Variants in HEATR4 observed in about 807,000 individuals in gnomAD.
The protein encoded by HEATR4 is HEAT repeat containing 4.
In HEATR4, 95 loss-of-function variants were observed where a neutral mutation model predicts 108.8. That is an observed-to-expected ratio of 0.87 (90% confidence interval 0.74 to 1.04). HEATR4 has a LOEUF of 1.04. HEATR4 is among the 50% of genes least tolerant of loss of function. The probability of loss-of-function intolerance (pLI) is 0.00; values close to 1 mark genes in which losing one functional copy is unlikely to be tolerated. For missense variants in HEATR4, 1,152 were observed against 1,253.8 expected, an observed-to-expected ratio of 0.92 and a Z score of 1.23; for synonymous variants, 443 against 459.4, an observed-to-expected ratio of 0.96 and a Z score of 0.46.
At chr14:73,590,021 G>C in the HEATR4 span, among the ~76,000 whole-genome samples, 1 of 152,214 alleles carries the variant, frequency 6.6e-6, no homozygotes, top group South Asian at 2.1e-4. Context: ...CACAACAGCA[G>C]TGCGGGCCCA....
At chr14:73,503,736 CT>C (rs1317181173) in intron 10 of HEATR4, among the ~76,000 whole-genome samples, 2 of 152,208 alleles carry the variant, frequency 1.3e-5, no homozygotes. Flanking sequence ...TGCTTCTGTT[CT>C]AGCTATTTGT....
chr14:73,559,060 T>C (rs1889458554), upstream of HEATR4: 1 of 152,064 alleles, frequency 6.6e-6, no homozygotes, highest in African/African-American at 2.4e-5. Flanking sequence ...TTAAATTTCC[T>C]TCTTTGTAAA....
chr14:73,619,378 G>T, the HEATR4 span: 2 of 1,614,098 alleles, frequency 1.2e-6, no homozygotes, highest in African/African-American at 2.7e-5. Flanking sequence ...ACATTACAAG[G>T]ATATGATTAT....
chr14:73,633,609 A>T, the HEATR4 span: 2 of 152,174 alleles, frequency 1.3e-5, no homozygotes, highest in African/African-American at 2.4e-5. Flanking sequence ...GGGAATATTG[A>T]CCCCTGGTGG....
At chr14:73,615,423 ACC>A in the HEATR4 span, among the ~76,000 whole-genome samples, 2 of 141,848 alleles carry the variant, frequency 1.4e-5, no homozygotes, top group African/African-American at 5.4e-5. Flanking sequence ...AACAAAAAAA[ACC>A]AGCAACAACG....
chr14:73,484,600 G>A (rs781110363), intron 17 of HEATR4, among the ~76,000 whole-genome samples: 7 of 150,982 alleles, frequency 4.6e-5, no homozygotes, highest in Non-Finnish European at 8.9e-5. Flanking sequence ...GGCTGGTCTC[G>A]AACTCCTGGC....
At chr14:73,489,349 C>A (rs568425183) in intron 17 of HEATR4, among the ~76,000 whole-genome samples, 1 of 152,188 alleles carries the variant, frequency 6.6e-6, no homozygotes, top group South Asian at 2.1e-4. Flanking sequence ...TGGGTAAGGA[C>A]AAAATCTAAA....
At chr14:73,561,886 G>A (rs1889535290), upstream of HEATR4, among the ~76,000 whole-genome samples, 1 of 152,116 alleles carries the variant, frequency 6.6e-6, no homozygotes, top group African/African-American at 2.4e-5. Flanking sequence ...TGGGGAGACT[G>A]AGATGGGAGG....
the HEATR4 span, among the ~76,000 whole-genome samples, chr14:73,583,417 A>G: frequency 2.1e-4 from 32 of 151,710 alleles, 1 homozygote; most frequent in Non-Finnish European, 3.8e-4. Context: ...CAACCAATCA[A>G]TAAGCCCAAT....
chr14:73,584,848 A>G, the HEATR4 span, among the ~76,000 whole-genome samples: 3 of 149,654 alleles, frequency 2.0e-5, no homozygotes, highest in African/African-American at 7.3e-5. Flanking sequence ...CCCATGTCCC[A>G]ACCAATGTCA....
chr14:73,538,056 G>T lies in HEATR4; in HGVS notation c.-151-7812C>A, dbSNP rs574171232. 6.8e-4 allele frequency among the ~76,000 whole-genome samples: 77 copies of T among 112,534 alleles called. 29 individuals carry two copies. In the East Asian group the frequency reaches 0.048, roughly 71 times the overall value. 73.8% of individuals were successfully genotyped at this position (112,534 alleles called of 152,430 possible). ...TGCCCAGGTAGGTCTTGAACTCCTG[G>T]ACCCAAGCTATCCTCCCGCCTCTGC... On this transcript the variant is annotated intron_variant, in intron 1 of 17. Transcript: ENST00000553558.
At chr14:73,514,554 T>C (rs1412888636) in intron 5 of HEATR4, among the ~76,000 whole-genome samples, 1 of 152,240 alleles carries the variant, frequency 6.6e-6, no homozygotes, top group Non-Finnish European at 1.5e-5. Context: ...TAAATATGTT[T>C]ATATGTAACG....
the HEATR4 span, among the ~76,000 whole-genome samples, chr14:73,632,843 C>CAAA: frequency 5.9e-3 from 642 of 109,000 alleles, 15 homozygotes; most frequent in African/African-American, 0.022. Flanking sequence ...GACCCTGTCT[C>CAAA]AAAAAAAAAA....
rs1208177854 is a variant in HEATR4, at chr14:73,530,921, G to C, written c.-151-677C>G. On this transcript the variant is annotated intron_variant, in intron 1 of 17. Transcript: ENST00000553558. ...CCCAAAATGCTAGGAATACAGGCAT[G>C]AGCCACTGCACCAGGCCTAATGTCC... The C allele has an allele frequency of 3.0e-5, 3 of 99,486 alleles. 1 individual carries two copies. Among genetic ancestry groups the C allele is most frequent in the African/African-American group, 9.8e-5 (3 of 30,502 alleles). 6.2% of individuals were successfully genotyped at this position (99,486 alleles called of 1,614,324 possible).
chr14:73,622,356 T>C, the HEATR4 span, among the ~76,000 whole-genome samples: 1 of 152,112 alleles, frequency 6.6e-6, no homozygotes, highest in Non-Finnish European at 1.5e-5. Flanking sequence ...TGACTGAAGA[T>C]ATTTGCTTGC....
the HEATR4 span, among the ~76,000 whole-genome samples, chr14:73,614,427 A>G: frequency 6.6e-6 from 1 of 152,066 alleles, no homozygotes; most frequent in South Asian, 2.1e-4. Context: ...TCGCAAGGAT[A>G]TAGTAGGAGC....
chr14:73,582,030 CAAGCCCTTCCCTGG>C, the HEATR4 span: 1 of 109,176 alleles, frequency 9.2e-6, no homozygotes, highest in Non-Finnish European at 1.8e-5. Context: ...GACCCTGGCC[CAAGCCCTTCCCTGG>C]GAGCCCTTCC....
intron 6 of HEATR4, among the ~76,000 whole-genome samples, chr14:73,513,446 G>A (rs563386719): frequency 5.5e-5 from 8 of 145,260 alleles, no homozygotes; most frequent in South Asian, 2.1e-4. Context: ...GGGCAACAGA[G>A]TGAAATTCCA....
At position 73,478,554 on chromosome 14, in the gene HEATR4, A is replaced by T. The variant is rs376354630; in HGVS notation, c.*52T>A. ...GTACAGTATCAATTAAAAAGACCCA[A>T]TGTGACCAGGTCCACTGCTTCCTGC... On this transcript the variant is annotated 3_prime_UTR_variant, in exon 18 of 18. Transcript: ENST00000553558. The T allele has an allele frequency of 8.3e-7, 1 of 1,209,054 alleles. No homozygotes were observed. The highest frequency in any genetic ancestry group is 1.9e-5 in the Admixed American group (1 of 52,712). 74.9% of individuals were successfully genotyped at this position (1,209,054 alleles called of 1,614,324 possible).
Sources: gnomAD v4.1 joint callset for allele counts (sites outside exome capture counted in the v4.1 genomes callset) on GRCh38, gnomAD v4.1.1 for gene constraint, MANE v1.5 for transcripts, NCBI Gene and HGNC (gene_info 2026-07-23, HGNC 2026-07-21) for gene names.